Variants in MRTFA observed in about 807,000 individuals in gnomAD.
MRTFA encodes myocardin-related transcription factor A.
Under a neutral mutation model 83.5 loss-of-function variants are expected in MRTFA, and 20 were observed. That is an observed-to-expected ratio of 0.24 (90% CI 0.17 to 0.35). The LOEUF (loss-of-function observed/expected upper bound fraction) is 0.35, where lower values mean the gene tolerates loss of function less well. Among genes scored for constraint, MRTFA ranks in the 10% least tolerant of loss-of-function variants. The pLI is 1.00. For synonymous variants in MRTFA, 659 were observed against 541.2 expected, an observed-to-expected ratio of 1.22 and a Z score of -3.02; for missense variants, 1,200 against 1,224.7, an observed-to-expected ratio of 0.98 and a Z score of 0.30.
At chr22:40,524,971 C>A (rs528379029) in intron 3 of MRTFA, among the ~76,000 whole-genome samples, 9 of 152,138 alleles carry the variant, frequency 5.9e-5, no homozygotes, top group Non-Finnish European at 1.2e-4. Flanking sequence ...CCACACCCAG[C>A]TAATTTTTTT....
At chr22:40,424,474 T>TGGCCCAC (rs2052911791) in intron 7 of MRTFA, 93 bp from the exon 8 acceptor site, 1 of 1,356,698 alleles carries the variant, frequency 7.4e-7, no homozygotes, top group East Asian at 2.5e-5. Flanking sequence ...GCAGAGTGCC[T>TGGCCCAC]GGCCCACAGC....
At chr22:40,530,761 T>C (rs1212171702) in intron 3 of MRTFA, among the ~76,000 whole-genome samples, 1 of 152,224 alleles carries the variant, frequency 6.6e-6, no homozygotes, top group African/African-American at 2.4e-5. Flanking sequence ...TGCAGAAGAA[T>C]TCCAACTTTG....
At chr22:40,436,582 A>G (rs1031333849) in intron 4 of MRTFA, among the ~76,000 whole-genome samples, 1 of 152,214 alleles carries the variant, frequency 6.6e-6, no homozygotes, top group African/African-American at 2.4e-5. Context: ...TGGCAAGACC[A>G]AACCAAGAGC....
In MRTFA at chr22:40,418,387, C is replaced by T. The variant is rs998326442; in HGVS notation, c.2351G>A (p.Gly784Glu). Residue 784 changes from glycine (G) to glutamate (E), a missense_variant, in exon 12 of 15, where the codon GGG becomes GAG. Physicochemically the swap from Gly to Glu is moderately conservative, Grantham distance 98. Coordinates refer to ENST00000355630, the MANE Select transcript of MRTFA (RefSeq NM_020831.6). ...ATACCCAGGTACCTGCTGGGGGCTC[C>T]CACTGGACAGGCCAGGGCTGTCTGC... 1 of 1,613,756 alleles carries T rather than the reference C, an allele frequency of 6.2e-7. No individual in the cohort carries two copies. The highest frequency in any genetic ancestry group is 1.7e-5 in the Admixed American group (1 of 59,982).
At chr22:40,536,185 C>T (rs1168275588) in intron 3 of MRTFA, among the ~76,000 whole-genome samples, 1 of 151,592 alleles carries the variant, frequency 6.6e-6, no homozygotes, top group African/African-American at 2.4e-5. Context: ...TGTCTGTAGT[C>T]CCAGCTACTT....
intron 3 of MRTFA, among the ~76,000 whole-genome samples, chr22:40,483,873 TGG>T (rs2054132713): frequency 6.6e-6 from 1 of 151,868 alleles, no homozygotes; most frequent in African/African-American, 2.4e-5. Context: ...TTTTGCTTTT[TGG>T]GGGTTTGTTT....
At chr22:40,622,365 C>T (rs971682884) in intron 1 of MRTFA, among the ~76,000 whole-genome samples, 2 of 151,748 alleles carry the variant, frequency 1.3e-5, no homozygotes, top group African/African-American at 4.8e-5. Context: ...CCTGTAATCC[C>T]AGCTACTCGG....
chr22:40,417,894 C>T (rs991761997), intron 12 of MRTFA, among the ~76,000 whole-genome samples: 1 of 152,156 alleles, frequency 6.6e-6, no homozygotes, highest in Non-Finnish European at 1.5e-5. Flanking sequence ...GGCAGCCTCA[C>T]CTGTGGCCTG....
intron 2 of MRTFA, among the ~76,000 whole-genome samples, chr22:40,582,027 T>C (rs1384245053): frequency 1.3e-5 from 2 of 152,212 alleles, no homozygotes; most frequent in African/African-American, 4.8e-5. Flanking sequence ...ATACATCTTC[T>C]TTACCTTAAA....
rs371021047 is a variant in MRTFA, at chr22:40,513,398, C to T, written c.241+38708G>A. ...GGTGGATGACCTGAGATCAGGAGTTCGAGACCAGCCTGGCCAACATGGTGA... is the reference window on the plus strand; with the variant it reads ...GGTGGATGACCTGAGATCAGGAGTTTGAGACCAGCCTGGCCAACATGGTGA... On this transcript the variant is annotated intron_variant, in intron 3 of 14. Coordinates refer to ENST00000355630, the MANE Select transcript of MRTFA (RefSeq NM_020831.6). Among the ~76,000 whole-genome samples, 50 of 151,980 alleles carry T rather than the reference C, an allele frequency of 3.3e-4. 1 individual carries two copies. In the South Asian group the frequency reaches 8.1e-3, roughly 25 times the overall value.
Position 40,418,757 on chromosome 22 carries a change from C to G in MRTFA, c.1981G>C (p.Ala661Pro). ...GCGGGGGCGGGGGCGGGCTGCTGGG[C>G]TCGCTTCTCCTGCTCCAGCTGCAGC... Residue 661 changes from alanine to proline, a missense_variant, in exon 12 of 15, where the codon GCC becomes CCC. Transcript: ENST00000355630. 6.6e-7 allele frequency: 1 copy of G among 1,526,268 alleles called. No individual in the cohort carries two copies. Among genetic ancestry groups the G allele is most frequent in the South Asian group, 1.2e-5 (1 of 82,298 alleles). The allele number at this position is 1,526,268 out of a possible 1,614,324, so 94.5% of individuals were successfully genotyped here.
At chr22:40,534,991 G>A (rs1391977205) in intron 3 of MRTFA, among the ~76,000 whole-genome samples, 1 of 152,168 alleles carries the variant, frequency 6.6e-6, no homozygotes, top group African/African-American at 2.4e-5. Flanking sequence ...TGGGGTGAGG[G>A]AGACTCAGTA....
chr22:40,418,351 C>T (rs370444395), intron 12 of MRTFA, 23 bp downstream of exon 12: 332 of 1,609,534 alleles, frequency 2.1e-4, no homozygotes, highest in African/African-American at 5.9e-4. Context: ...GGGCCCTGCC[C>T]GGTTCCTCCC....
At chr22:40,484,838 C>T (rs1054239881) in intron 3 of MRTFA, among the ~76,000 whole-genome samples, 5 of 151,788 alleles carry the variant, frequency 3.3e-5, no homozygotes, top group Admixed American at 1.3e-4. Flanking sequence ...TTTAGGAGGC[C>T]GACGCAGGCG....
In MRTFA at chr22:40,479,910, T is replaced by C. The variant is rs1008221824; in HGVS notation, c.242-16624A>G. Among the ~76,000 whole-genome samples, 3 of 152,306 alleles carry C rather than the reference T, an allele frequency of 2.0e-5. No homozygotes were observed. In the South Asian group the frequency reaches 6.2e-4, roughly 32 times the overall value. On this transcript the variant is annotated intron_variant, in intron 3 of 14. Coordinates refer to ENST00000355630, the MANE Select transcript of MRTFA (RefSeq NM_020831.6). Reference sequence around the variant, plus strand: ...GCTCTTGATTAATGAAGTAGGTTCCTGGGCTGGTAAACCTGGGCAACTTAC... The same window carrying C: ...GCTCTTGATTAATGAAGTAGGTTCCCGGGCTGGTAAACCTGGGCAACTTAC...
At chr22:40,436,857 A>C (rs1374893297) in intron 4 of MRTFA, among the ~76,000 whole-genome samples, 1 of 152,184 alleles carries the variant, frequency 6.6e-6, no homozygotes, top group African/African-American at 2.4e-5. Flanking sequence ...GTGCAGGGTT[A>C]AGGAGCTGCT....
At chr22:40,538,242 G>T (rs2055222724) in intron 3 of MRTFA, among the ~76,000 whole-genome samples, 1 of 53,814 alleles carries the variant, frequency 1.9e-5, no homozygotes. Flanking sequence ...CCTCTGCCTT[G>T]GGATCCTGCT....
chr22:40,513,648 G>C (rs2054706140), intron 3 of MRTFA, among the ~76,000 whole-genome samples: 1 of 148,482 alleles, frequency 6.7e-6, no homozygotes, highest in South Asian at 2.1e-4. Context: ...CAAAATGCTT[G>C]CCATTTAAAA....
At chr22:40,498,280 T>TATATATATATATTTATATATATATATATA (rs1602339571) in intron 3 of MRTFA, among the ~76,000 whole-genome samples, 1 of 100,382 alleles carries the variant, frequency 1.0e-5, no homozygotes. Context: ...TATATTTTTT[T>TATATATATATATTTATATATATATATATA]TTTTTTTTTT....
Sources: allele counts gnomAD v4.1 joint callset (sites outside exome capture counted in the v4.1 genomes callset), GRCh38; gene constraint gnomAD v4.1.1; transcripts MANE v1.5; gene names NCBI Gene and HGNC (gene_info 2026-07-23, HGNC 2026-07-21).